EPOR: variants seen among roughly 807,000 people sequenced by gnomAD.
EPOR encodes the protein erythropoietin receptor.
Under a neutral mutation model 34.3 loss-of-function variants are expected in EPOR, and 20 were observed. That is an observed-to-expected ratio of 0.58 (90% CI 0.41 to 0.85). The LOEUF is 0.85. Among genes scored for constraint, EPOR ranks in the 40% least tolerant of loss-of-function variants. The probability of loss-of-function intolerance (pLI) is 0.00; values close to 1 mark genes in which losing one functional copy is unlikely to be tolerated. For missense variants in EPOR, 601 were observed against 672.7 expected, an observed-to-expected ratio of 0.89 and a Z score of 1.18; for synonymous variants, 312 against 299.0, an observed-to-expected ratio of 1.04 and a Z score of -0.45.
At chr19:11,380,304 C>T (rs1284186931) in intron 6 of EPOR, among the ~76,000 whole-genome samples, 1 of 152,224 alleles carries the variant, frequency 6.6e-6, no homozygotes, top group Non-Finnish European at 1.5e-5. Context: ...AGCTTGTTCT[C>T]CATTCTCTCT....
Position 11,384,222 on chromosome 19 carries a change from C to T in EPOR, c.-15G>A, listed in dbSNP as rs1379297915. 1 of 1,502,916 alleles carries T rather than the reference C, an allele frequency of 6.7e-7. No homozygotes were observed. The highest frequency in any genetic ancestry group is 2.0e-5 in the Admixed American group (1 of 50,854). The allele number at this position is 1,502,916 out of a possible 1,614,324, so 93.1% of individuals were successfully genotyped here. ...AGGTGGTCCATGATACAGCCCCCGC[C>T]ACGGGGAGCCCAGGGCTCCTGCCCC... On this transcript the variant is annotated 5_prime_UTR_variant, in exon 1 of 8. Coordinates refer to ENST00000222139, the MANE Select transcript of EPOR (RefSeq NM_000121.4).
In EPOR at chr19:11,377,937, G is replaced by A. The variant is rs1459945363; in HGVS notation, c.*47C>T. 1.2e-6 allele frequency: 2 copies of A among 1,611,760 alleles called. No individual in the cohort carries two copies. The highest frequency in any genetic ancestry group is 1.7e-6 in the Non-Finnish European group (2 of 1,179,244). ...GTTCCATAAGTCTTGAGTCTGCACT[G>A]GTTCTCTGAGTCATATTGGATCCCT... is the stretch of plus-strand genomic sequence containing the variant. On this transcript the variant is annotated 3_prime_UTR_variant, in exon 8 of 8. Transcript: ENST00000222139.
chr19:11,378,107 G>A lies in EPOR; in HGVS notation c.1404C>T (p.Tyr468=), dbSNP rs529662967. ...GGGCTCCCTGGGAGTCCCCTGAGCT[G>A]TAGTCAGTTGAGATGCCAGAGTCAG... ...VVSDSGISTD[Y]SSGDSQGAQG... Residue 468 remains tyrosine, a synonymous_variant, in exon 8 of 8, where the codon TAC becomes TAT. Coordinates refer to ENST00000222139, the MANE Select transcript of EPOR (RefSeq NM_000121.4). This position sits in a 1 kb window ranked among gnomAD's most constrained non-coding sequence, Gnocchi z 5.3. 3 of 1,614,134 alleles carry A rather than the reference G, an allele frequency of 1.9e-6. No homozygotes were observed. The highest frequency in any genetic ancestry group is 2.2e-5 in the East Asian group (1 of 44,888).
At position 11,378,022 on chromosome 19, in the gene EPOR, C is replaced by T. The variant is rs751352150; in HGVS notation, c.1489G>A (p.Ala497Thr). ...ACATAGCTGGGGGGCAGAGGCTCAG[C>T]GGCTGGGATAAGGCTGTTCTCATAA... is the stretch of plus-strand genomic sequence containing the variant. ...NPYENSLIPA[A>T]EPLPPSYVAC... is the part of the protein sequence containing the mutation. The change falls in exon 8 of 8, where the codon GCT becomes ACT. Residue 497 changes from alanine (A) to threonine (T), a missense_variant. Physicochemically the swap from Ala to Thr is moderately conservative, Grantham distance 58. Coordinates refer to ENST00000222139, the MANE Select transcript of EPOR (RefSeq NM_000121.4). The surrounding 1 kb of genome is among the most constrained non-coding windows in gnomAD (Gnocchi z 5.3). 56 of 1,613,970 alleles carry T rather than the reference C, an allele frequency of 3.5e-5. 1 individual carries two copies. The highest frequency in any genetic ancestry group is 2.3e-4 in the South Asian group (21 of 91,086).
chr19:11,377,857 T>C lies in EPOR; in HGVS notation c.*127A>G, dbSNP rs1269526787. On this transcript the variant is annotated 3_prime_UTR_variant, in exon 8 of 8. Transcript: ENST00000222139. ...GTTGTGGTTTCCTGAGCAGGATGGA[T>C]TGGGCAGACAAAATCAGCAATGCCC... 3 of 1,154,244 alleles carry C rather than the reference T, an allele frequency of 2.6e-6. No individual in the cohort carries two copies. Among genetic ancestry groups the C allele is most frequent in the Non-Finnish European group, 3.9e-6 (3 of 769,754 alleles). The allele number at this position is 1,154,244 out of a possible 1,614,324, so 71.5% of individuals were successfully genotyped here.
Position 11,378,272 on chromosome 19 carries a change from C to A in EPOR, c.1239G>T (p.Lys413Asn), listed in dbSNP as rs1437171500. ...ASSCSSALAS[K>N]PSPEGASAAS... ...CAGCAGAGGCTCCCTCTGGGCTGGG[C>A]TTCGAGGCCAAAGCAGATGAGCAGG... Residue 413 changes from lysine (K) to asparagine (N), a missense_variant, in exon 8 of 8, where the codon AAG becomes AAT. Transcript: ENST00000222139. The surrounding 1 kb of genome is among the most constrained non-coding windows in gnomAD (Gnocchi z 5.3). 1 of 1,614,078 alleles carries A rather than the reference C, an allele frequency of 6.2e-7. No individual in the cohort carries two copies. Among genetic ancestry groups the A allele is most frequent in the Non-Finnish European group, 8.5e-7 (1 of 1,180,020 alleles).
At chr19:11,380,052 C>T (rs1158556958) in intron 6 of EPOR, among the ~76,000 whole-genome samples, 1 of 152,214 alleles carries the variant, frequency 6.6e-6, no homozygotes, top group East Asian at 1.9e-4. Context: ...CTCATTCCCA[C>T]CTCAGGGCCT....
rs1397060295 is a variant in EPOR at position 11,382,009 on chromosome 19, G to T, written c.348C>A (p.Ser116Arg). ...TGACGCGCAACTCTAGGGGCACGAA[G>T]CTCGACGTGTCGGCTGTAGGCAGCG... ...WCSLPTADTS[S>R]FVPLELRVTA... Residue 116 changes from serine (S) to arginine (R), a missense_variant, in exon 3 of 8, where the codon AGC (serine) becomes AGA (arginine). Physicochemically the swap from Ser to Arg is moderately radical, Grantham distance 110. Coordinates refer to ENST00000222139, the MANE Select transcript of EPOR (RefSeq NM_000121.4). 1 of 1,614,242 alleles carries T rather than the reference G, an allele frequency of 6.2e-7. No homozygotes were observed. The highest frequency in any genetic ancestry group is 8.5e-7 in the Non-Finnish European group (1 of 1,180,036).
rs574619833 is a variant in EPOR, at chr19:11,381,670, G to A, written c.585+22C>T. ...CGTAGTCAGTGGAGCTTTGGGGGCT[G>A]GGCCGTAGGGGCTGGCCTCACCCTC... On this transcript the variant is annotated intron_variant, in intron 4 of 7. Coordinates refer to ENST00000222139, the MANE Select transcript of EPOR (RefSeq NM_000121.4). The surrounding 1 kb of genome is among the most constrained non-coding windows in gnomAD (Gnocchi z 5.3). The A allele has an allele frequency of 1.5e-4, 240 of 1,588,508 alleles. 2 individuals are homozygous for A. The South Asian group carries it at 2.6e-3, about 17-fold the overall frequency.
rs140903357 is a variant in EPOR, at chr19:11,378,170, A to G, written c.1341T>C (p.Pro447=). Reference sequence around the variant, plus strand: ...ACAGGTACTTTAGGTGGGGTGGGGTAGGGGGCAGCTCAGGGCACAGTGTCC... The same window carrying G: ...ACAGGTACTTTAGGTGGGGTGGGGTGGGGGGCAGCTCAGGGCACAGTGTCC... The part of the protein sequence containing the change: ...RPWTLCPELP[P]TPPHLKYLYL... The change falls in exon 8 of 8, where the codon CCT becomes CCC. Residue 447 remains proline (P), a synonymous_variant. Coordinates refer to ENST00000222139, the MANE Select transcript of EPOR (RefSeq NM_000121.4). This position sits in a 1 kb window ranked among gnomAD's most constrained non-coding sequence, Gnocchi z 5.3. The G allele has an allele frequency of 1.8e-4, 286 of 1,614,008 alleles. No individual in the cohort carries two copies. In the African/African-American group the frequency reaches 3.3e-3, roughly 19 times the overall value.
At position 11,383,090 on chromosome 19, in the gene EPOR, G is replaced by C; in HGVS notation, c.251+7C>G. 2 of 1,613,560 alleles carry C rather than the reference G, an allele frequency of 1.2e-6. No homozygotes were observed. Among genetic ancestry groups the C allele is most frequent in the Non-Finnish European group, 1.7e-6 (2 of 1,179,896 alleles). Reference sequence around the variant, plus strand: ...GCCCTTGGAGGCACCCGCCGGATCGGACTCACTCGAGCTGGTAGGAGAAGC... The same window carrying C: ...GCCCTTGGAGGCACCCGCCGGATCGCACTCACTCGAGCTGGTAGGAGAAGC... On this transcript the variant is annotated splice_region_variant and intron_variant, in intron 2 of 7. Transcript: ENST00000222139. This position sits in a 1 kb window ranked among gnomAD's most constrained non-coding sequence, Gnocchi z 4.9.
In EPOR at chr19:11,377,978, G is replaced by A. The variant is rs947599616; in HGVS notation, c.*6C>T. The A allele has an allele frequency of 2.5e-6, 4 of 1,613,832 alleles. No homozygotes were observed. The highest frequency in any genetic ancestry group is 2.5e-6 in the Non-Finnish European group (3 of 1,180,010). ...TTGGATCCCTGATCATCTGCAGCCT[G>A]GTGTCCTAAGAGCAAGCCACATAGC... On this transcript the variant is annotated 3_prime_UTR_variant, in exon 8 of 8. Transcript: ENST00000222139.
At chr19:11,380,074 G>A (rs990350116) in intron 6 of EPOR, among the ~76,000 whole-genome samples, 4 of 152,220 alleles carry the variant, frequency 2.6e-5, no homozygotes, top group Admixed American at 6.5e-5. Context: ...TGCACTTGCT[G>A]TTTCTTCTCC....
Position 11,378,865 on chromosome 19 carries a change from G to A in EPOR, c.828-87C>T, listed in dbSNP as rs1968319843. The A allele has an allele frequency of 7.7e-7, 1 of 1,304,836 alleles. No homozygotes were observed. Among genetic ancestry groups the A allele is most frequent in the Non-Finnish European group, 1.1e-6 (1 of 917,754 alleles). 80.8% of individuals were successfully genotyped at this position (1,304,836 alleles called of 1,614,324 possible). A position where few individuals can be genotyped will look rare whatever the true frequency, so the allele number is the denominator to read the frequency against. ...CTCCACTCCCAGTCATAGAGGCACA[G>A]ATACACTTGGTCCCTGTGATCACAA... On this transcript the variant is annotated intron_variant, in intron 6 of 7. Transcript: ENST00000222139. The surrounding 1 kb of genome is among the most constrained non-coding windows in gnomAD (Gnocchi z 5.3).
At chr19:11,379,582 A>G (rs1486852008) in intron 6 of EPOR, among the ~76,000 whole-genome samples, 1 of 152,062 alleles carries the variant, frequency 6.6e-6, no homozygotes, top group Non-Finnish European at 1.5e-5. Context: ...TCAAAAAAAA[A>G]AAAAATTCCA....
rs1287019143 is a variant in EPOR, at chr19:11,384,107, T to C, written c.101A>G (p.Lys34Arg). ...WAPPPNLPDP[K>R]FESKAALLAA... ...CTCATCCTTACCTTTGCTCTCGAAC[T>C]TGGGGTCCGGGAGGTTAGGCGGGGG... The change falls in exon 1 of 8, where the codon AAG becomes AGG. Residue 34 changes from lysine (K) to arginine (R), a missense_variant. Coordinates refer to ENST00000222139, the MANE Select transcript of EPOR (RefSeq NM_000121.4). 2 of 1,549,510 alleles carry C rather than the reference T, an allele frequency of 1.3e-6. No homozygotes were observed. The highest frequency in any genetic ancestry group is 1.2e-5 in the South Asian group (1 of 83,994).
At position 11,384,215 on chromosome 19, in the gene EPOR, C is replaced by A. The variant is rs886054193; in HGVS notation, c.-8G>T. On this transcript the variant is annotated 5_prime_UTR_variant, in exon 1 of 8. Transcript: ENST00000222139. ...CGCCCCGAGGTGGTCCATGATACAG[C>A]CCCCGCCACGGGGAGCCCAGGGCTC... The A allele has an allele frequency of 1.3e-6, 2 of 1,523,816 alleles. No homozygotes were observed. The highest frequency in any genetic ancestry group is 1.8e-6 in the Non-Finnish European group (2 of 1,128,338). The allele number at this position is 1,523,816 out of a possible 1,614,324, so 94.4% of individuals were successfully genotyped here.
rs769284924 is a variant in EPOR at position 11,383,138 on chromosome 19, A to G, written c.210T>C (p.Ala70=). 1.9e-6 allele frequency: 3 copies of G among 1,612,922 alleles called. No homozygotes were observed. The highest frequency in any genetic ancestry group is 1.7e-5 in the Admixed American group (1 of 59,966). Residue 70 remains alanine (A), a synonymous_variant, in exon 2 of 8, where the codon GCT becomes GCC. Coordinates refer to ENST00000222139, the MANE Select transcript of EPOR (RefSeq NM_000121.4). The surrounding 1 kb of genome is among the most constrained non-coding windows in gnomAD (Gnocchi z 4.9). ...LVCFWEEAAS[A]GVGPGNYSFS... ...AGCTGTAGTTGCCCGGGCCCACCCCAGCGCTCGCCGCTTCCTCCCAGAAAC... is the reference window on the plus strand; with the variant it reads ...AGCTGTAGTTGCCCGGGCCCACCCCGGCGCTCGCCGCTTCCTCCCAGAAAC...
At position 11,383,242 on chromosome 19, in the gene EPOR, G is replaced by A. The variant is rs1232303475; in HGVS notation, c.116-10C>T. ...GCCGCCAGCAAGGCCGCTGGGGAGGGGCGACAAAGGAAGGGCATGGGGGTC... is the reference window on the plus strand; with the variant it reads ...GCCGCCAGCAAGGCCGCTGGGGAGGAGCGACAAAGGAAGGGCATGGGGGTC... On this transcript the variant is annotated splice_polypyrimidine_tract_variant and intron_variant, in intron 1 of 7. Coordinates refer to ENST00000222139, the MANE Select transcript of EPOR (RefSeq NM_000121.4). This position sits in a 1 kb window ranked among gnomAD's most constrained non-coding sequence, Gnocchi z 4.9. 3 of 1,586,684 alleles carry A rather than the reference G, an allele frequency of 1.9e-6. No individual in the cohort carries two copies. Among genetic ancestry groups the A allele is most frequent in the Non-Finnish European group, 2.6e-6 (3 of 1,169,266 alleles).
Sources: allele counts gnomAD v4.1 joint callset (sites outside exome capture counted in the v4.1 genomes callset), GRCh38; gene constraint gnomAD v4.1.1; non-coding constraint Gnocchi (gnomAD v3.1); transcripts MANE v1.5; gene names NCBI Gene and HGNC (gene_info 2026-07-23, HGNC 2026-07-21).